KCNMA1: variants seen among roughly 807,000 people sequenced by gnomAD.
The protein encoded by KCNMA1 is potassium calcium-activated channel subfamily M alpha 1.
Under a neutral mutation model 140.0 loss-of-function variants are expected in KCNMA1, and 29 were observed. The observed-to-expected ratio is 0.21, with a 90% CI of 0.15 to 0.28. The LOEUF is 0.28. Among genes scored for constraint, KCNMA1 ranks in the 10% least tolerant of loss-of-function variants. KCNMA1 has a pLI of 1.00. For synonymous variants in KCNMA1, 612 were observed against 611.9 expected (o/e 1.00, Z 0.00); for missense variants, 880 against 1,602.2 (o/e 0.55, Z 7.70).
intron 2 of KCNMA1, among the ~76,000 whole-genome samples, chr10:77,265,618 T>A (rs2063219440): frequency 6.6e-6 from 1 of 152,210 alleles, no homozygotes; most frequent in South Asian, 2.1e-4. Context: ...TTATCTTGAA[T>A]TATTGTTCAA....
At chr10:77,088,427 G>T (rs539506126) in intron 10 of KCNMA1, among the ~76,000 whole-genome samples, 17 of 145,178 alleles carry the variant, frequency 1.2e-4, no homozygotes, top group Admixed American at 9.9e-4. Flanking sequence ...TGAGCAGCCA[G>T]TTTTTGTTTT....
intron 4 of KCNMA1, 113 bp from the exon 5 acceptor site, chr10:77,183,645 C>G (rs2098820860): frequency 1.3e-6 from 1 of 747,428 alleles, no homozygotes; most frequent in South Asian, 1.5e-5. Flanking sequence ...GGCCACCACG[C>G]CCGGCTAATT....
intron 2 of KCNMA1, among the ~76,000 whole-genome samples, chr10:77,392,022 A>G (rs152774): frequency 0.34 from 50,704 of 149,964 alleles, 8,730 homozygotes; most frequent in Admixed American, 0.39. Flanking sequence ...CTCCCAGCCC[A>G]ACTCAGTAGC....
intron 1 of KCNMA1, 81 bp downstream of exon 1, chr10:77,637,184 C>A: frequency 2.2e-6 from 3 of 1,357,414 alleles, no homozygotes; most frequent in Non-Finnish European, 3.0e-6. Flanking sequence ...CGGCGCGGCG[C>A]GGAGCGAGGA....
intron 2 of KCNMA1, among the ~76,000 whole-genome samples, chr10:77,360,761 C>T (rs1400142013): frequency 6.6e-6 from 1 of 152,206 alleles, no homozygotes; most frequent in Admixed American, 6.5e-5. Flanking sequence ...CTACCTGGCC[C>T]TTTCCACAGC....
intron 2 of KCNMA1, among the ~76,000 whole-genome samples, chr10:77,328,505 G>A (rs896389754): frequency 3.3e-5 from 5 of 152,194 alleles, no homozygotes; most frequent in African/African-American, 1.2e-4. Context: ...CAGAAAAAAG[G>A]CCTCAAAGAA....
In KCNMA1 at chr10:77,506,640, AGAGG is replaced by A. The variant is rs1410662166; in HGVS notation, c.379-102621_379-102618del. ...GTGTGTTAGAGAGGGAGAGAGACAG[AGAGG>A]GAGAGAGAGAGAGAGAGAGAGAGCT... is the stretch of plus-strand genomic sequence containing the variant. On this transcript the variant is annotated intron_variant, in intron 1 of 27. Coordinates refer to ENST00000286628, the MANE Select transcript of KCNMA1 (RefSeq NM_001161352.2). Among the ~76,000 whole-genome samples the A allele has an allele frequency of 1.5e-4, 21 of 143,278 alleles. 1 individual carries two copies. Among genetic ancestry groups the A allele is most frequent in the African/African-American group, 5.4e-4 (20 of 36,810 alleles). The allele number at this position is 143,278 out of a possible 152,430, so 94.0% of individuals were successfully genotyped here. A position where few individuals can be genotyped will look rare whatever the true frequency, so the allele number is the denominator to read the frequency against.
intron 2 of KCNMA1, among the ~76,000 whole-genome samples, chr10:77,292,170 A>C (rs970284671): frequency 6.6e-6 from 1 of 152,172 alleles, no homozygotes; most frequent in African/African-American, 2.4e-5. Flanking sequence ...AGGGCAGCAG[A>C]GATAGAAGGC....
At position 77,469,036 on chromosome 10, in the gene KCNMA1, G is replaced by A. The variant is rs79576225; in HGVS notation, c.379-65013C>T. Reference sequence around the variant, plus strand: ...CCCCACCACCCTCCCCGACCACTTCGCCCCAAGCACCTTAAGGTTGAATGG... The same window carrying A: ...CCCCACCACCCTCCCCGACCACTTCACCCCAAGCACCTTAAGGTTGAATGG... On this transcript the variant is annotated intron_variant, in intron 1 of 27. Transcript: ENST00000286628. 2.1e-3 allele frequency among the ~76,000 whole-genome samples: 327 copies of A among 152,132 alleles called. 10 individuals carry two copies. The East Asian group carries it at 0.051, about 24-fold the overall frequency.
intron 23 of KCNMA1, among the ~76,000 whole-genome samples, chr10:76,924,399 T>G (rs1022557509): frequency 2.6e-5 from 4 of 152,212 alleles, no homozygotes; most frequent in African/African-American, 4.8e-5. Context: ...CTTTCTTATG[T>G]CTGAGCAGTA....
At chr10:77,102,085 G>A (rs2097111122) in intron 9 of KCNMA1, among the ~76,000 whole-genome samples, 1 of 152,204 alleles carries the variant, frequency 6.6e-6, no homozygotes, top group South Asian at 2.1e-4. Flanking sequence ...TTATGGATGT[G>A]TAGAAATGCA....
chr10:77,287,332 T>G (rs570628001), intron 2 of KCNMA1, among the ~76,000 whole-genome samples: 1 of 152,304 alleles, frequency 6.6e-6, no homozygotes, highest in Admixed American at 6.5e-5. Context: ...TACACAATCC[T>G]CATGTTAAGG....
chr10:76,963,154 G>T (rs2072394217), intron 20 of KCNMA1, among the ~76,000 whole-genome samples: 1 of 152,154 alleles, frequency 6.6e-6, no homozygotes. Context: ...CAACTATTTG[G>T]TTCTCCAGTG....
In KCNMA1 at chr10:77,413,366, C is replaced by G. The variant is rs567059498; in HGVS notation, c.379-9343G>C. ...CTGGGGCTGGGTCTTCCGTGTCCCC[C>G]CTCCCATGCCAAAGAGGACATCCAC... On this transcript the variant is annotated intron_variant, in intron 1 of 27. Coordinates refer to ENST00000286628, the MANE Select transcript of KCNMA1 (RefSeq NM_001161352.2). 8.5e-5 allele frequency among the ~76,000 whole-genome samples: 13 copies of G among 152,210 alleles called. No individual in the cohort carries two copies. In the East Asian group the frequency reaches 1.6e-3, roughly 18 times the overall value.
intron 2 of KCNMA1, chr10:77,350,340 T>C (rs1016614052): frequency 6.6e-6 from 1 of 152,278 alleles, no homozygotes; most frequent in African/African-American, 2.4e-5. Flanking sequence ...GTTTTATCAC[T>C]GGTGACAGCA....
At chr10:77,610,457 G>A (rs550149655) in intron 1 of KCNMA1, among the ~76,000 whole-genome samples, 4 of 152,330 alleles carry the variant, frequency 2.6e-5, no homozygotes, top group African/African-American at 4.8e-5. Flanking sequence ...AAAGGTAAGC[G>A]GAGTACAAGG....
At chr10:77,544,186 G>GTA (rs1285451603) in intron 1 of KCNMA1, among the ~76,000 whole-genome samples, 16 of 151,464 alleles carry the variant, frequency 1.1e-4, no homozygotes, top group African/African-American at 3.6e-4. Flanking sequence ...GTGTGTGTGT[G>GTA]TGTGATGATA....
intron 20 of KCNMA1, among the ~76,000 whole-genome samples, chr10:76,967,436 G>A (rs1031911236): frequency 6.6e-6 from 1 of 152,170 alleles, no homozygotes; most frequent in Non-Finnish European, 1.5e-5. Context: ...AATCAACAAA[G>A]GGGGTTTAGC....
intron 2 of KCNMA1, among the ~76,000 whole-genome samples, chr10:77,273,687 G>T (rs898705213): frequency 2.0e-5 from 3 of 152,186 alleles, no homozygotes; most frequent in Non-Finnish European, 4.4e-5. Flanking sequence ...GGCAGGAGTG[G>T]CTGGGGAAGG....
Sources: gnomAD v4.1 joint callset for allele counts (sites outside exome capture counted in the v4.1 genomes callset) on GRCh38, gnomAD v4.1.1 for gene constraint, MANE v1.5 for transcripts, NCBI Gene and HGNC (gene_info 2026-07-23, HGNC 2026-07-21) for gene names.